Variants in KIRREL3 observed in about 807,000 individuals in gnomAD.
KIRREL3 encodes kirre like nephrin family adhesion molecule 3.
KIRREL3 carries 36 observed loss-of-function variants against 89.7 expected under a neutral mutation model. The observed-to-expected ratio is 0.40, with a 90% CI of 0.31 to 0.53. KIRREL3 has a LOEUF of 0.53. Ranked by LOEUF, KIRREL3 falls within the 20% of genes least tolerant of loss-of-function variation. The pLI is 0.49. For synonymous variants in KIRREL3, 445 were observed against 441.4 expected (o/e 1.01, Z -0.10); for missense variants, 864 against 1,056.6 (o/e 0.82, Z 2.53).
intron 1 of KIRREL3, among the ~76,000 whole-genome samples, chr11:126,714,982 A>G (rs1947903627): frequency 6.6e-6 from 1 of 152,168 alleles, no homozygotes; most frequent in Admixed American, 6.5e-5. Flanking sequence ...GCGTCAAGCC[A>G]CAGGGTGAAG....
In KIRREL3 at chr11:126,694,313, T is replaced by G. The variant is rs937008935; in HGVS notation, c.56-131401A>C. Among the ~76,000 whole-genome samples, 1 of 152,242 alleles carries G rather than the reference T, an allele frequency of 6.6e-6. No individual in the cohort carries two copies. Among genetic ancestry groups the G allele is most frequent in the African/African-American group, 2.4e-5 (1 of 41,464 alleles). On this transcript the variant is annotated intron_variant, in intron 1 of 16. Coordinates refer to ENST00000525144, the MANE Select transcript of KIRREL3 (RefSeq NM_032531.4). This position sits in a 1 kb window ranked among gnomAD's most constrained non-coding sequence, Gnocchi z 4.4. Reference sequence around the variant, plus strand: ...TTTATTGCTTATTTATGGGAATCTATTTAAAGTGAATTGCACTTTTCCATT... The same window carrying G: ...TTTATTGCTTATTTATGGGAATCTAGTTAAAGTGAATTGCACTTTTCCATT...
intron 1 of KIRREL3, among the ~76,000 whole-genome samples, chr11:126,737,760 T>C (rs1948853516): frequency 6.6e-6 from 1 of 152,216 alleles, no homozygotes; most frequent in South Asian, 2.1e-4. Context: ...TAGTTGTATA[T>C]ATTTATGGGG....
chr11:126,957,728 C>G (rs1361050477), intron 1 of KIRREL3, among the ~76,000 whole-genome samples: 1 of 152,178 alleles, frequency 6.6e-6, no homozygotes, highest in Non-Finnish European at 1.5e-5. Context: ...CAGGAGAGAG[C>G]TCTAAGGTCA....
rs886159140 is a variant in KIRREL3 at position 126,729,697 on chromosome 11, G to A, written c.56-166785C>T. Among the ~76,000 whole-genome samples, 2 of 152,166 alleles carry A rather than the reference G, an allele frequency of 1.3e-5. No homozygotes were observed. Among genetic ancestry groups the A allele is most frequent in the African/African-American group, 4.8e-5 (2 of 41,420 alleles). On this transcript the variant is annotated intron_variant, in intron 1 of 16. Coordinates refer to ENST00000525144, the MANE Select transcript of KIRREL3 (RefSeq NM_032531.4). This position sits in a 1 kb window ranked among gnomAD's most constrained non-coding sequence, Gnocchi z 4.5. ...CTCCGTAGATACTCATGGGGCCCCG[G>A]GCACTCCACTGGACAGGTGAAAAGC...
intron 1 of KIRREL3, among the ~76,000 whole-genome samples, chr11:126,613,521 C>T (rs1344928929): frequency 6.6e-6 from 1 of 152,114 alleles, no homozygotes. Flanking sequence ...ACGTGCTTTC[C>T]CCTGCTCATG....
chr11:126,798,679 C>T (rs975016192), intron 1 of KIRREL3, among the ~76,000 whole-genome samples: 2 of 152,118 alleles, frequency 1.3e-5, no homozygotes, highest in Non-Finnish European at 2.9e-5. Context: ...CTTCCAGGTC[C>T]TTTTGATTTC....
chr11:126,804,087 T>C (rs1951127859), intron 1 of KIRREL3, among the ~76,000 whole-genome samples: 1 of 152,210 alleles, frequency 6.6e-6, no homozygotes, highest in Non-Finnish European at 1.5e-5. Flanking sequence ...TACATGTGTG[T>C]GTGTTTCAGA....
chr11:126,604,639 A>G (rs1335332838), intron 1 of KIRREL3, among the ~76,000 whole-genome samples: 1 of 152,142 alleles, frequency 6.6e-6, no homozygotes, highest in African/African-American at 2.4e-5. Flanking sequence ...TGTGGGCCAC[A>G]TGGGGGTGGG....
At chr11:126,871,300 T>C (rs1360926924) in intron 1 of KIRREL3, among the ~76,000 whole-genome samples, 2 of 152,234 alleles carry the variant, frequency 1.3e-5, no homozygotes, top group African/African-American at 2.4e-5. Context: ...AGGACCACCT[T>C]TGAGAGAAAA....
intron 2 of KIRREL3, among the ~76,000 whole-genome samples, chr11:126,542,955 G>A (rs1295581422): frequency 6.6e-6 from 1 of 152,112 alleles, no homozygotes; most frequent in African/African-American, 2.4e-5. Context: ...CCGATACAAA[G>A]CACTTCACAT....
rs1481705620 is a variant in KIRREL3 at position 126,948,539 on chromosome 11, A to T, written c.55+51916T>A. On this transcript the variant is annotated intron_variant, in intron 1 of 16. Coordinates refer to ENST00000525144, the MANE Select transcript of KIRREL3 (RefSeq NM_032531.4). The surrounding 1 kb of genome is among the most constrained non-coding windows in gnomAD (Gnocchi z 4.5). ...CTTCCCCAGGGTTATGAGATCAAGAAAACTATGAGGGATTTTAGGCTTCCC... is the reference window on the plus strand; with the variant it reads ...CTTCCCCAGGGTTATGAGATCAAGATAACTATGAGGGATTTTAGGCTTCCC... Among the ~76,000 whole-genome samples the T allele has an allele frequency of 6.6e-6, 1 of 152,226 alleles. No homozygotes were observed. The highest frequency in any genetic ancestry group is 2.4e-5 in the African/African-American group (1 of 41,454).
At chr11:126,894,614 G>C (rs1946074675) in intron 1 of KIRREL3, among the ~76,000 whole-genome samples, 1 of 149,558 alleles carries the variant, frequency 6.7e-6, no homozygotes, top group Non-Finnish European at 1.5e-5. Context: ...GCTAGGTATG[G>C]TGTCACATAC....
At position 126,614,257 on chromosome 11, in the gene KIRREL3, G is replaced by A. The variant is rs1479055327; in HGVS notation, c.56-51345C>T. ...CCCTTAGATTCCAGTTCCTAAGTCA[G>A]AATGTTAATTTCCAGGTAGCCTAGT... On this transcript the variant is annotated intron_variant, in intron 1 of 16. Coordinates refer to ENST00000525144, the MANE Select transcript of KIRREL3 (RefSeq NM_032531.4). This position sits in a 1 kb window ranked among gnomAD's most constrained non-coding sequence, Gnocchi z 4.6. Among the ~76,000 whole-genome samples, 1 of 152,100 alleles carries A rather than the reference G, an allele frequency of 6.6e-6. No homozygotes were observed. Among genetic ancestry groups the A allele is most frequent in the African/African-American group, 2.4e-5 (1 of 41,414 alleles).
rs534991790 is a variant in KIRREL3 at position 126,893,533 on chromosome 11, A to T, written c.55+106922T>A. Among the ~76,000 whole-genome samples the T allele has an allele frequency of 7.5e-4, 114 of 152,342 alleles. No homozygotes were observed. In the South Asian group the frequency reaches 0.02, roughly 27 times the overall value. ...TAATTTGTTGCCGAGCTCATGACCT[A>T]AACGGAAACATTGAACCGGCCACCT... On this transcript the variant is annotated intron_variant, in intron 1 of 16. Transcript: ENST00000525144.
rs1944723563 is a variant in KIRREL3, at chr11:126,647,200, C to G, written c.56-84288G>C. 6.6e-6 allele frequency among the ~76,000 whole-genome samples: 1 copy of G among 152,222 alleles called. No individual in the cohort carries two copies. Among genetic ancestry groups the G allele is most frequent in the African/African-American group, 2.4e-5 (1 of 41,462 alleles). ...ATATTTAGGGAGCCCAGGCTCACCC[C>G]TGCTACTCTGCCAGGAGCTATAGAA... is the stretch of plus-strand genomic sequence containing the variant. On this transcript the variant is annotated intron_variant, in intron 1 of 16. Coordinates refer to ENST00000525144, the MANE Select transcript of KIRREL3 (RefSeq NM_032531.4). The surrounding 1 kb of genome is among the most constrained non-coding windows in gnomAD (Gnocchi z 4.9).
rs1958522098 is a variant in KIRREL3 at position 126,519,555 on chromosome 11, T to C, written c.433+1760A>G. Among the ~76,000 whole-genome samples, 1 of 152,146 alleles carries C rather than the reference T, an allele frequency of 6.6e-6. No individual in the cohort carries two copies. Among genetic ancestry groups the C allele is most frequent in the African/African-American group, 2.4e-5 (1 of 41,434 alleles). ...AGTCAATACAGCCTTAAGGATGAGA[T>C]GTGGCTCCACCTATTTTTGGTTCCT... is the stretch of plus-strand genomic sequence containing the variant. On this transcript the variant is annotated intron_variant, in intron 4 of 16. Transcript: ENST00000525144. The surrounding 1 kb of genome is among the most constrained non-coding windows in gnomAD (Gnocchi z 4.3).
chr11:126,958,317 T>C lies in KIRREL3; in HGVS notation c.55+42138A>G, dbSNP rs375124651. On this transcript the variant is annotated intron_variant, in intron 1 of 16. Transcript: ENST00000525144. ...GAGCCCAGATCCTAAGTGAGTTACA[T>C]AGAATTACCCTCTTTCTGACATTGG... 1.5e-3 allele frequency among the ~76,000 whole-genome samples: 228 copies of C among 152,322 alleles called. 2 individuals are homozygous for C. The highest frequency in any genetic ancestry group is 5.1e-3 in the African/African-American group (210 of 41,576).
At chr11:126,487,067 T>C (rs1957383348) in intron 4 of KIRREL3, among the ~76,000 whole-genome samples, 1 of 151,926 alleles carries the variant, frequency 6.6e-6, no homozygotes, top group Non-Finnish European at 1.5e-5. Context: ...TTAGCAGAAA[T>C]GGAGGGGCGC....
intron 2 of KIRREL3, among the ~76,000 whole-genome samples, chr11:126,560,927 GGCT>G (rs1940073949): frequency 2.0e-5 from 3 of 152,118 alleles, no homozygotes; most frequent in Admixed American, 6.5e-5. Context: ...TGTATGTCAT[GGCT>G]GCTATTCCAT....
Sources: gnomAD v4.1 joint callset for allele counts (sites outside exome capture counted in the v4.1 genomes callset) on GRCh38, gnomAD v4.1.1 for gene constraint, Gnocchi (gnomAD v3.1) non-coding constraint, MANE v1.5 for transcripts, NCBI Gene and HGNC (gene_info 2026-07-23, HGNC 2026-07-21) for gene names.